The following RIPOR3 variants were observed in gnomAD, a reference collection of about 807,000 sequenced individuals.
RIPOR3 encodes family with sequence similarity 65 member C.
Under a neutral mutation model 114.3 loss-of-function variants are expected in RIPOR3, and 95 were observed. The observed-to-expected ratio is 0.83, with a 90% CI of 0.70 to 0.99. The LOEUF is 0.99. RIPOR3 is among the 50% of genes least tolerant of loss of function. The probability of loss-of-function intolerance (pLI) is 0.00; values close to 1 mark genes in which losing one functional copy is unlikely to be tolerated. For synonymous variants in RIPOR3, 575 were observed against 543.8 expected (o/e 1.06, Z -0.80); for missense variants, 1,252 against 1,266.9 (o/e 0.99, Z 0.18).
intron 4 of RIPOR3, chr20:50,614,720 G>A (rs1249365195): frequency 1.2e-5 from 2 of 170,030 alleles, no homozygotes. Flanking sequence ...AGATTACATG[G>A]GATATACTTA....
chr20:50,653,543 T>C (rs1270760682), intron 1 of RIPOR3, among the ~76,000 whole-genome samples: 1 of 151,650 alleles, frequency 6.6e-6, no homozygotes, highest in Non-Finnish European at 1.5e-5. Context: ...TCAAGCGATT[T>C]TCCTGCCTCA....
At position 50,628,285 on chromosome 20, in the gene RIPOR3, G is replaced by A. The variant is rs73908794; in HGVS notation, c.122+2453C>T. ...CTGGAGCCTGGGTCAAATTCTTCTC[G>A]TCTTGGGGCATCAACTTAAACCCTT... On this transcript the variant is annotated intron_variant, in intron 2 of 21. Transcript: ENST00000327979. Among the ~76,000 whole-genome samples, 893 of 152,134 alleles carry A rather than the reference G, an allele frequency of 5.9e-3. 9 individuals are homozygous for A. The highest frequency in any genetic ancestry group is 0.014 in the Middle Eastern group (4 of 294).
chr20:50,630,970 T>A, intron 1 of RIPOR3, 114 bp from the exon 2 acceptor site: 1 of 816,906 alleles, frequency 1.2e-6, no homozygotes, highest in Non-Finnish European at 2.0e-6. Context: ...CAGAGTGTTG[T>A]GGGGGCTGGT....
At chr20:50,621,404 A>T (rs922427399) in intron 2 of RIPOR3, among the ~76,000 whole-genome samples, 2 of 152,184 alleles carry the variant, frequency 1.3e-5, no homozygotes, top group African/African-American at 4.8e-5. Context: ...GTTTGGGGGA[A>T]AGGTAGCCTG....
chr20:50,594,775 G>C (rs1183647663), intron 16 of RIPOR3, 61 bp from the exon 17 acceptor site: 1 of 1,553,766 alleles, frequency 6.4e-7, no homozygotes, highest in Non-Finnish European at 8.7e-7. Flanking sequence ...ACAAGGACCC[G>C]AAAGGTTTCC....
intron 1 of RIPOR3, among the ~76,000 whole-genome samples, chr20:50,688,386 C>T (rs2087098698): frequency 6.6e-6 from 1 of 152,212 alleles, no homozygotes; most frequent in African/African-American, 2.4e-5. Context: ...AACTCTTGGG[C>T]TCAAATGATC....
intron 1 of RIPOR3, among the ~76,000 whole-genome samples, chr20:50,686,131 A>C (rs900647115): frequency 1.3e-5 from 2 of 151,864 alleles, no homozygotes; most frequent in African/African-American, 4.8e-5. Context: ...ATCTCGGCTC[A>C]CTGCAAGCTC....
intron 1 of RIPOR3, among the ~76,000 whole-genome samples, chr20:50,643,036 G>A (rs190252436): frequency 1.1e-4 from 17 of 150,284 alleles, no homozygotes; most frequent in African/African-American, 3.9e-4. Context: ...CAACAAGACC[G>A]AAACTCCATC....
chr20:50,691,030 G>GGAACGGCTGCCTCCTCCTGTC (rs2087194792), intron 1 of RIPOR3, 96 bp downstream of exon 1: 1 of 1,283,612 alleles, frequency 7.8e-7, no homozygotes, highest in African/African-American at 1.5e-5. Context: ...TGGCCTGTGA[G>GGAACGGCTGCCTCCTCCTGTC]GAACGGCTGC....
At chr20:50,596,690 G>A (rs1228511086) in intron 14 of RIPOR3, among the ~76,000 whole-genome samples, 1 of 152,230 alleles carries the variant, frequency 6.6e-6, no homozygotes, top group Non-Finnish European at 1.5e-5. Flanking sequence ...GGCTAGACCT[G>A]CTGCCCGACC....
chr20:50,641,729 G>A lies in RIPOR3; in HGVS notation c.4-10873C>T, dbSNP rs148520468. 2.0e-3 allele frequency among the ~76,000 whole-genome samples: 300 copies of A among 152,272 alleles called. 1 individual carries two copies. Among genetic ancestry groups the A allele is most frequent in the Non-Finnish European group, 3.5e-3 (235 of 68,014 alleles). ...GCTGTGTTACACAGATCACTTTAGC[G>A]TTTCCCACGCTAAACCACTGAAACT... On this transcript the variant is annotated intron_variant, in intron 1 of 21. Transcript: ENST00000327979.
In RIPOR3 at chr20:50,619,992, C is replaced by A. The variant is rs748101752; in HGVS notation, c.263G>T (p.Gly88Val). 1.2e-6 allele frequency: 2 copies of A among 1,611,704 alleles called. No individual in the cohort carries two copies. The highest frequency in any genetic ancestry group is 1.1e-5 in the South Asian group (1 of 91,010). Residue 88 changes from glycine (G) to valine (V), a missense_variant, in exon 3 of 22, where the codon GGC (glycine) becomes GTC (valine). Physicochemically the swap from Gly to Val is moderately radical, Grantham distance 109. Coordinates refer to ENST00000327979, the MANE Select transcript of RIPOR3 (RefSeq NM_001290268.2). ...VKKIFEALKR[G>V]LKEYLCVQQA... ...GCACACAGCCCAGCCTTACTTGAGG[C>A]CTCTTTTCAATGCTTCGAAGATCTT... is the stretch of plus-strand genomic sequence containing the variant.
chr20:50,587,655 G>C, intron 21 of RIPOR3, 147 bp downstream of exon 21: 1 of 723,420 alleles, frequency 1.4e-6, no homozygotes, highest in Non-Finnish European at 2.3e-6. Context: ...AAAGGGTGGA[G>C]GTCGGCTCTG....
At chr20:50,644,670 TGTTTGC>T (rs375855326) in intron 1 of RIPOR3, among the ~76,000 whole-genome samples, 1 of 142,344 alleles carries the variant, frequency 7.0e-6, no homozygotes, top group South Asian at 2.2e-4. Flanking sequence ...TGTTTTTTTT[TGTTTGC>T]TTTTTTTTTT....
At chr20:50,633,949 C>A (rs962103764) in intron 1 of RIPOR3, among the ~76,000 whole-genome samples, 1 of 144,070 alleles carries the variant, frequency 6.9e-6, no homozygotes. Context: ...ATATTTCTTT[C>A]TTTATTTCCT....
intron 6 of RIPOR3, among the ~76,000 whole-genome samples, 180 bp from the exon 7 acceptor site, chr20:50,609,902 G>A (rs915941767): frequency 6.6e-6 from 1 of 151,992 alleles, no homozygotes; most frequent in African/African-American, 2.4e-5. Context: ...GGCCCCAGTA[G>A]AACATGAACC....
chr20:50,618,270 C>CAAAAAAAAAAA (rs61215608), intron 3 of RIPOR3, among the ~76,000 whole-genome samples: 7 of 67,386 alleles, frequency 1.0e-4, no homozygotes, highest in African/African-American at 3.6e-4. Flanking sequence ...GACTCCGTCT[C>CAAAAAAAAAAA]AAAAAAAAAA....
rs768827360 is a variant in RIPOR3 at position 50,620,037 on chromosome 20, G to A, written c.218C>T (p.Pro73Leu). Residue 73 changes from proline to leucine, a missense_variant, in exon 3 of 22, where the codon CCG (proline) becomes CTG (leucine). Transcript: ENST00000327979. ...TLRKGSVCAD[P>L]KPQQVKKIFE... The stretch of plus-strand genomic sequence containing the variant: ...GATCTTCTTCACCTGCTGGGGCTTC[G>A]GGTCTGCACAGACCGACCCCTTCCG... 1.1e-4 allele frequency: 170 copies of A among 1,613,628 alleles called. No individual in the cohort carries two copies. Among genetic ancestry groups the A allele is most frequent in the Non-Finnish European group, 1.3e-4 (157 of 1,179,680 alleles).
intron 15 of RIPOR3, among the ~76,000 whole-genome samples, chr20:50,595,905 G>T (rs1042700785): frequency 6.6e-6 from 1 of 152,208 alleles, no homozygotes; most frequent in Non-Finnish European, 1.5e-5. Context: ...ACCTATAAAT[G>T]AGAGTCACCA....
Sources: allele counts gnomAD v4.1 joint callset (sites outside exome capture counted in the v4.1 genomes callset), GRCh38; gene constraint gnomAD v4.1.1; transcripts MANE v1.5; gene names NCBI Gene and HGNC (gene_info 2026-07-23, HGNC 2026-07-21).